CDH18: variants seen among roughly 807,000 people sequenced by gnomAD.
CDH18 encodes cadherin-18.
CDH18 carries 31 observed loss-of-function variants against 67.9 expected under a neutral mutation model. The ratio of observed to expected loss-of-function variants is 0.46; its 90% CI spans 0.34 to 0.62. CDH18 has a LOEUF of 0.62. Ranked by LOEUF, CDH18 falls within the 20% of genes least tolerant of loss-of-function variation. CDH18 has a pLI of 0.01. For missense variants in CDH18, 890 were observed against 975.5 expected (o/e 0.91, Z 1.17); for synonymous variants, 362 against 347.2 (o/e 1.04, Z -0.48).
chr5:20,271,244 A>G (rs1745412701), intron 1 of CDH18, among the ~76,000 whole-genome samples: 1 of 152,156 alleles, frequency 6.6e-6, no homozygotes, highest in Admixed American at 6.5e-5. Flanking sequence ...AACTATGGAT[A>G]AGTTAGATCA....
intron 6 of CDH18, 31 bp downstream of exon 6, chr5:19,612,403 T>C: frequency 6.2e-7 from 1 of 1,604,618 alleles, no homozygotes; most frequent in East Asian, 2.2e-5. Context: ...GAGATAATGA[T>C]AAATTCAAAT....
At chr5:19,516,520 T>C (rs1463792198) in intron 10 of CDH18, among the ~76,000 whole-genome samples, 3 of 152,190 alleles carry the variant, frequency 2.0e-5, no homozygotes, top group African/African-American at 7.2e-5. Flanking sequence ...ATTGCCTCAA[T>C]TTCAGAGGCT....
At chr5:20,448,208 G>A (rs977943212) in intron 1 of CDH18, among the ~76,000 whole-genome samples, 4 of 151,666 alleles carry the variant, frequency 2.6e-5, no homozygotes, top group African/African-American at 9.7e-5. Context: ...CTTCATCCAT[G>A]TCCCTACAAA....
rs1288027559 is a variant in CDH18, at chr5:19,699,927, T to C, written c.643+21420A>G. The stretch of plus-strand genomic sequence containing the variant: ...TGACAGTTGCACTGAAAACCAAGAC[T>C]TCACCGCTAGGAAATATACCTATGT... On this transcript the variant is annotated intron_variant, in intron 5 of 12. Coordinates refer to ENST00000382275, the MANE Select transcript of CDH18 (RefSeq NM_004934.5). Among the ~76,000 whole-genome samples, 3 of 152,222 alleles carry C rather than the reference T, an allele frequency of 2.0e-5. No individual in the cohort carries two copies. In the South Asian group the frequency reaches 6.2e-4, roughly 32 times the overall value.
chr5:20,036,037 TACTC>T (rs1398376981), intron 2 of CDH18, among the ~76,000 whole-genome samples: 10 of 152,134 alleles, frequency 6.6e-5, no homozygotes, highest in African/African-American at 2.4e-4. Context: ...AATAAGTCAA[TACTC>T]ACAACAGTAT....
At chr5:20,419,062 T>TTG (rs1747596727) in intron 1 of CDH18, among the ~76,000 whole-genome samples, 1 of 152,038 alleles carries the variant, frequency 6.6e-6, no homozygotes, top group South Asian at 2.1e-4. Flanking sequence ...TTCTCACGTG[T>TTG]TGTGGGTGGG....
At chr5:19,600,529 C>G (rs1336447482) in intron 6 of CDH18, among the ~76,000 whole-genome samples, 3 of 148,936 alleles carry the variant, frequency 2.0e-5, no homozygotes, top group African/African-American at 7.5e-5. Context: ...TTTTTTCATA[C>G]TAGATACCTA....
intron 5 of CDH18, among the ~76,000 whole-genome samples, chr5:19,653,259 C>T (rs773866168): frequency 6.6e-6 from 1 of 151,990 alleles, no homozygotes; most frequent in Admixed American, 6.6e-5. Context: ...TAGCAACAAT[C>T]GAGTCTAGAA....
intron 5 of CDH18, among the ~76,000 whole-genome samples, chr5:19,676,206 A>G (rs926969045): frequency 6.6e-6 from 1 of 152,098 alleles, no homozygotes; most frequent in African/African-American, 2.4e-5. Flanking sequence ...ACATAACCCT[A>G]TCAAATCTAC....
At chr5:20,566,360 C>CTTTTTTT (rs529048391) in intron 1 of CDH18, among the ~76,000 whole-genome samples, 85 of 119,220 alleles carry the variant, frequency 7.1e-4, no homozygotes, top group African/African-American at 1.1e-3. Flanking sequence ...TTTTCTTTTT[C>CTTTTTTT]TTTTTTTTTT....
chr5:19,931,503 A>G (rs1219494035), intron 2 of CDH18, among the ~76,000 whole-genome samples: 2 of 151,932 alleles, frequency 1.3e-5, no homozygotes, highest in African/African-American at 2.4e-5. Context: ...CTACCTAATA[A>G]AAATTTTTCT....
At chr5:20,214,096 G>C (rs568100387) in intron 2 of CDH18, among the ~76,000 whole-genome samples, 6 of 151,786 alleles carry the variant, frequency 4.0e-5, no homozygotes, top group Non-Finnish European at 7.4e-5. Context: ...CAATTACCAC[G>C]AAAAAGAATG....
intron 5 of CDH18, among the ~76,000 whole-genome samples, chr5:19,624,061 G>T (rs1751128026): frequency 6.6e-6 from 1 of 150,480 alleles, no homozygotes; most frequent in Non-Finnish European, 1.5e-5. Flanking sequence ...CAGCTAGAGT[G>T]CAGTGGCGCC....
intron 3 of CDH18, among the ~76,000 whole-genome samples, chr5:19,794,061 G>C (rs1041178809): frequency 1.3e-5 from 2 of 152,036 alleles, no homozygotes; most frequent in Non-Finnish European, 2.9e-5. Flanking sequence ...AAAATTTCAA[G>C]TTAAATTATC....
chr5:20,176,589 T>G (rs563887548), intron 2 of CDH18, among the ~76,000 whole-genome samples: 1 of 152,322 alleles, frequency 6.6e-6, no homozygotes, highest in African/African-American at 2.4e-5. Flanking sequence ...AATTTGTACT[T>G]TCTGAGTCTT....
At chr5:20,076,901 T>G in intron 2 of CDH18, among the ~76,000 whole-genome samples, 1 of 152,218 alleles carries the variant, frequency 6.6e-6, no homozygotes, top group East Asian at 1.9e-4. Flanking sequence ...ATATATGGAT[T>G]GCCAGTTTTT....
chr5:20,082,577 C>T (rs185916645), intron 2 of CDH18, among the ~76,000 whole-genome samples: 1 of 152,128 alleles, frequency 6.6e-6, no homozygotes, highest in East Asian at 1.9e-4. Context: ...GTTATGTTTC[C>T]TTCCTATTAT....
At chr5:20,133,914 T>C (rs1339645536) in intron 2 of CDH18, among the ~76,000 whole-genome samples, 1 of 152,152 alleles carries the variant, frequency 6.6e-6, no homozygotes. Flanking sequence ...CTCTCTTACT[T>C]CTCCATCTGC....
intron 2 of CDH18, among the ~76,000 whole-genome samples, chr5:20,209,524 C>T (rs1304694737): frequency 2.6e-5 from 4 of 151,846 alleles, no homozygotes; most frequent in African/African-American, 4.8e-5. Context: ...GTCACTCATA[C>T]GTGGGAGCTT....
Sources: gnomAD v4.1 joint callset for allele counts (sites outside exome capture counted in the v4.1 genomes callset) on GRCh38, gnomAD v4.1.1 for gene constraint, MANE v1.5 for transcripts, NCBI Gene and HGNC (gene_info 2026-07-23, HGNC 2026-07-21) for gene names.